Variants in LOC128462377 observed in about 807,000 individuals in gnomAD.
the LOC128462377 span, among the ~76,000 whole-genome samples, chr16:89,387,304 C>T: frequency 6.6e-6 from 1 of 151,798 alleles, no homozygotes; most frequent in Non-Finnish European, 1.5e-5. Flanking sequence ...GAAGGGGCTG[C>T]GTCTGTGGTG....
chr16:89,371,203 T>A, the LOC128462377 span, among the ~76,000 whole-genome samples: 1 of 152,104 alleles, frequency 6.6e-6, no homozygotes, highest in Non-Finnish European at 1.5e-5. Context: ...GCAACGACTC[T>A]CACTACCTCC....
At chr16:89,384,362 C>T in the LOC128462377 span, among the ~76,000 whole-genome samples, 1 of 152,188 alleles carries the variant, frequency 6.6e-6, no homozygotes, top group African/African-American at 2.4e-5. Flanking sequence ...GAAACCCCAT[C>T]TCTATGAAAA....
chr16:89,353,937 G>A, the LOC128462377 span, among the ~76,000 whole-genome samples: 1,127 of 152,330 alleles, frequency 7.4e-3, 44 homozygotes, highest in Admixed American at 0.047. Flanking sequence ...GGTGAGGGGC[G>A]GCGGGCAGAG....
the LOC128462377 span, chr16:89,320,025 C>G: frequency 6.6e-6 from 1 of 152,366 alleles, no homozygotes. Flanking sequence ...AACCGTTACT[C>G]AGCCGTGTCA....
At chr16:89,349,569 A>G in the LOC128462377 span, among the ~76,000 whole-genome samples, 1 of 152,248 alleles carries the variant, frequency 6.6e-6, no homozygotes, top group African/African-American at 2.4e-5. Context: ...AATCTTTTCC[A>G]CAAATGATGC....
At chr16:89,335,191 C>A in the LOC128462377 span, among the ~76,000 whole-genome samples, 2 of 152,276 alleles carry the variant, frequency 1.3e-5, no homozygotes, top group African/African-American at 4.8e-5. Context: ...GAGCTCAGTG[C>A]GTGCCTTCCC....
chr16:89,389,163 T>C, the LOC128462377 span, among the ~76,000 whole-genome samples: 1 of 151,446 alleles, frequency 6.6e-6, no homozygotes, highest in Non-Finnish European at 1.5e-5. Context: ...GGATGACAGA[T>C]ACACGCCACT....
At chr16:89,413,738 T>C in the LOC128462377 span, among the ~76,000 whole-genome samples, 6 of 152,258 alleles carry the variant, frequency 3.9e-5, no homozygotes, top group South Asian at 1.0e-3. Context: ...CCCTGGAGCA[T>C]TCTACGGCAG....
the LOC128462377 span, among the ~76,000 whole-genome samples, chr16:89,330,321 G>C: frequency 1.3e-5 from 2 of 152,236 alleles, no homozygotes; most frequent in Admixed American, 1.3e-4. Flanking sequence ...GGGTGGGAAG[G>C]CTCGGGAGAC....
chr16:89,326,557 G>A, the LOC128462377 span, among the ~76,000 whole-genome samples: 1 of 152,108 alleles, frequency 6.6e-6, no homozygotes, highest in Non-Finnish European at 1.5e-5. Context: ...CCCGGGCAAT[G>A]TAGGGAAACC....
the LOC128462377 span, among the ~76,000 whole-genome samples, chr16:89,333,358 C>T: frequency 1.3e-5 from 2 of 152,196 alleles, no homozygotes; most frequent in Non-Finnish European, 2.9e-5. Context: ...CTGAGACCCC[C>T]CTGGACACAG....
At chr16:89,388,758 C>T in the LOC128462377 span, among the ~76,000 whole-genome samples, 1 of 152,276 alleles carries the variant, frequency 6.6e-6, no homozygotes, top group Non-Finnish European at 1.5e-5. Flanking sequence ...TGGAATGGTG[C>T]CACTGCCCAG....
chr16:89,404,412 C>A, the LOC128462377 span, among the ~76,000 whole-genome samples: 6 of 152,184 alleles, frequency 3.9e-5, no homozygotes, highest in Non-Finnish European at 7.3e-5. Context: ...AGGTACAACC[C>A]TATTATGTCT....
At chr16:89,394,168 G>A in the LOC128462377 span, among the ~76,000 whole-genome samples, 64 of 151,980 alleles carry the variant, frequency 4.2e-4, no homozygotes, top group African/African-American at 1.4e-3. Flanking sequence ...TCCTCCTGAG[G>A]TCAACGGGCA....
At chr16:89,380,670 T>C in the LOC128462377 span, among the ~76,000 whole-genome samples, 1 of 152,072 alleles carries the variant, frequency 6.6e-6, no homozygotes, top group Non-Finnish European at 1.5e-5. Flanking sequence ...GCAGAAACTC[T>C]AGAAATAAAT....
At chr16:89,384,451 T>G in the LOC128462377 span, among the ~76,000 whole-genome samples, 3,130 of 151,232 alleles carry the variant, frequency 0.021, 124 homozygotes, top group African/African-American at 0.072. Context: ...CAGAACGGGA[T>G]GGGATGAAAT....
At chr16:89,330,783 C>A in the LOC128462377 span, among the ~76,000 whole-genome samples, 4 of 151,274 alleles carry the variant, frequency 2.6e-5, no homozygotes, top group Non-Finnish European at 2.9e-5. Context: ...CCACACTCTG[C>A]AGAGAACGGT....
At chr16:89,341,566 A>T in the LOC128462377 span, among the ~76,000 whole-genome samples, 5 of 151,160 alleles carry the variant, frequency 3.3e-5, no homozygotes, top group Non-Finnish European at 5.9e-5. Flanking sequence ...ATAATGGCAT[A>T]AAAAAAATTC....
At chr16:89,351,221 C>A in the LOC128462377 span, among the ~76,000 whole-genome samples, 1 of 152,146 alleles carries the variant, frequency 6.6e-6, no homozygotes, top group East Asian at 1.9e-4. Context: ...TGGGCATGGG[C>A]GAGGGGTTCC....
Sources: gnomAD v4.1 joint callset for allele counts (sites outside exome capture counted in the v4.1 genomes callset) on GRCh38, gnomAD v4.1.1 for gene constraint, MANE v1.5 for transcripts.